NRG3: variants seen among roughly 807,000 people sequenced by gnomAD.
NRG3 encodes pro-neuregulin-3, membrane-bound isoform.
In NRG3, 31 loss-of-function variants were observed where a neutral mutation model predicts 66.9. The ratio of observed to expected loss-of-function variants is 0.46; its 90% confidence interval spans 0.35 to 0.63. The LOEUF is 0.63. NRG3 is among the 20% of genes least tolerant of loss of function. The pLI, the probability that NRG3 is intolerant of heterozygous loss-of-function variation, is 0.00. For missense variants in NRG3, 910 were observed against 878.9 expected, an observed-to-expected ratio of 1.04 and a Z score of -0.45; for synonymous variants, 393 against 359.4, an observed-to-expected ratio of 1.09 and a Z score of -1.06.
chr10:82,720,760 C>T (rs1257839401), intron 2 of NRG3, among the ~76,000 whole-genome samples: 7 of 147,172 alleles, frequency 4.8e-5, no homozygotes, highest in Non-Finnish European at 8.9e-5. Context: ...TGATAGCACT[C>T]CCTGGTCAAT....
intron 2 of NRG3, among the ~76,000 whole-genome samples, chr10:82,386,871 C>T (rs1049053463): frequency 6.6e-6 from 1 of 152,142 alleles, no homozygotes; most frequent in Non-Finnish European, 1.5e-5. Context: ...ATGATCTCAG[C>T]TCACTGCAAC....
chr10:82,891,257 C>T (rs920689604), intron 4 of NRG3, among the ~76,000 whole-genome samples: 1 of 151,730 alleles, frequency 6.6e-6, no homozygotes, highest in Non-Finnish European at 1.5e-5. Context: ...ATATTCTAAT[C>T]GGTCTGCTTA....
intron 1 of NRG3, among the ~76,000 whole-genome samples, chr10:81,992,811 T>C (rs2060794058): frequency 6.6e-6 from 1 of 152,140 alleles, no homozygotes; most frequent in Non-Finnish European, 1.5e-5. Context: ...CAACTCCTAT[T>C]GAGTGCCAGC....
At chr10:81,956,521 G>GCCA (rs1030971083) in intron 1 of NRG3, among the ~76,000 whole-genome samples, 2 of 152,112 alleles carry the variant, frequency 1.3e-5, no homozygotes, top group African/African-American at 4.8e-5. Flanking sequence ...TAATGCATTA[G>GCCA]CCATCCTGAT....
intron 2 of NRG3, among the ~76,000 whole-genome samples, chr10:82,495,933 G>A (rs890751657): frequency 4.6e-5 from 7 of 151,890 alleles, no homozygotes; most frequent in African/African-American, 1.7e-4. Flanking sequence ...AAAGAATGTA[G>A]GACTATTTTG....
chr10:82,239,945 CTT>C (rs1349557675), intron 1 of NRG3, among the ~76,000 whole-genome samples: 1 of 152,182 alleles, frequency 6.6e-6, no homozygotes, highest in South Asian at 2.1e-4. Flanking sequence ...AAAAGTGACT[CTT>C]AATATTATAA....
chr10:82,195,132 A>T (rs1277317659), intron 1 of NRG3, among the ~76,000 whole-genome samples: 1 of 152,112 alleles, frequency 6.6e-6, no homozygotes, highest in African/African-American at 2.4e-5. Context: ...GGCTTTATCC[A>T]TCTGGTAGAA....
chr10:82,316,513 G>C (rs1415818428), intron 1 of NRG3, among the ~76,000 whole-genome samples: 3 of 152,086 alleles, frequency 2.0e-5, no homozygotes, highest in African/African-American at 7.2e-5. Context: ...TTTGCCTACG[G>C]ACCCTTTTTT....
At chr10:82,303,665 C>A (rs936907875) in intron 1 of NRG3, among the ~76,000 whole-genome samples, 1 of 152,016 alleles carries the variant, frequency 6.6e-6, no homozygotes, top group Non-Finnish European at 1.5e-5. Flanking sequence ...GTCAGGAGTT[C>A]AAGACCAGCA....
At chr10:82,537,866 C>T (rs1025544129) in intron 2 of NRG3, among the ~76,000 whole-genome samples, 8 of 152,188 alleles carry the variant, frequency 5.3e-5, no homozygotes, top group South Asian at 2.1e-4. Context: ...ATTAGAACTT[C>T]GTTGACCCCA....
At chr10:82,010,130 A>G (rs1477881910) in intron 1 of NRG3, among the ~76,000 whole-genome samples, 2 of 152,208 alleles carry the variant, frequency 1.3e-5, no homozygotes, top group African/African-American at 2.4e-5. Flanking sequence ...GCACACGGTG[A>G]AGGAATTTCC....
intron 3 of NRG3, among the ~76,000 whole-genome samples, chr10:82,837,498 T>C (rs530511750): frequency 2.1e-4 from 32 of 152,136 alleles, no homozygotes; most frequent in African/African-American, 7.0e-4. Context: ...AAATGGCATA[T>C]AATTATTAAA....
chr10:82,231,535 T>G (rs527692216), intron 1 of NRG3, among the ~76,000 whole-genome samples: 2 of 152,102 alleles, frequency 1.3e-5, no homozygotes, highest in Non-Finnish European at 2.9e-5. Context: ...TAACTAATTC[T>G]GAAAATATCT....
intron 2 of NRG3, among the ~76,000 whole-genome samples, chr10:82,564,008 T>G (rs2045229073): frequency 6.6e-6 from 1 of 152,122 alleles, no homozygotes; most frequent in Admixed American, 6.6e-5. Context: ...AAATTAAAAT[T>G]AAAAGTACTT....
intron 2 of NRG3, among the ~76,000 whole-genome samples, chr10:82,666,745 C>T (rs2052819522): frequency 6.6e-6 from 1 of 152,220 alleles, no homozygotes; most frequent in African/African-American, 2.4e-5. Flanking sequence ...CTTTATCCTC[C>T]ACTGTTAAAT....
chr10:82,505,877 C>A (rs1357484514), intron 2 of NRG3, among the ~76,000 whole-genome samples: 2 of 152,196 alleles, frequency 1.3e-5, no homozygotes, highest in Non-Finnish European at 2.9e-5. Context: ...TATCTCCTAA[C>A]AATTGTATTT....
intron 1 of NRG3, among the ~76,000 whole-genome samples, chr10:82,025,751 A>G (rs2062270786): frequency 6.6e-6 from 1 of 152,096 alleles, no homozygotes; most frequent in African/African-American, 2.4e-5. Flanking sequence ...TTATTTAATG[A>G]GCATATTGGC....
chr10:82,749,913 C>T (rs927920588), intron 3 of NRG3, among the ~76,000 whole-genome samples: 5 of 152,100 alleles, frequency 3.3e-5, no homozygotes, highest in African/African-American at 1.2e-4. Flanking sequence ...AGATTACTTT[C>T]ATTCTGCCAT....
At chr10:82,398,266 T>G (rs2086844135) in intron 2 of NRG3, among the ~76,000 whole-genome samples, 1 of 152,140 alleles carries the variant, frequency 6.6e-6, no homozygotes. Context: ...ACAGGTCAGC[T>G]GTGGACAGCA....
Sources: allele counts gnomAD v4.1 joint callset (sites outside exome capture counted in the v4.1 genomes callset), GRCh38; gene constraint gnomAD v4.1.1; transcripts MANE v1.5; gene names NCBI Gene and HGNC (gene_info 2026-07-23, HGNC 2026-07-21).